The following UVRAG variants were observed in gnomAD, a reference collection of about 807,000 sequenced individuals.
The protein encoded by UVRAG is UV radiation resistance-associated gene protein.
A neutral mutation model predicts 78.0 loss-of-function variants in UVRAG; 19 were observed. That is an observed-to-expected ratio of 0.24 (90% CI 0.17 to 0.36). The LOEUF is 0.36. Among genes scored for constraint, UVRAG ranks in the 10% least tolerant of loss-of-function variants. UVRAG has a pLI of 1.00. For synonymous variants in UVRAG, 323 were observed against 324.6 expected (o/e 1.00, Z 0.05); for missense variants, 740 against 853.8 (o/e 0.87, Z 1.66).
At chr11:76,034,890 A>G (rs2135407073) in intron 12 of UVRAG, among the ~76,000 whole-genome samples, 2 of 152,330 alleles carry the variant, frequency 1.3e-5, no homozygotes, top group Middle Eastern at 6.8e-3. Context: ...TACTAGAAGT[A>G]TTAACTGTAG....
chr11:76,136,031 G>A (rs1952592250), intron 14 of UVRAG, among the ~76,000 whole-genome samples: 1 of 152,160 alleles, frequency 6.6e-6, no homozygotes, highest in African/African-American at 2.4e-5. Context: ...AAATCTATGA[G>A]TTTCAACCTC....
intron 13 of UVRAG, among the ~76,000 whole-genome samples, chr11:76,075,262 TA>T (rs59240658): frequency 6.6e-6 from 1 of 151,786 alleles, no homozygotes; most frequent in African/African-American, 2.4e-5. Flanking sequence ...GTACTAAATT[TA>T]AAAAAAAGTT....
At chr11:75,977,560 T>G (rs1949271963) in intron 7 of UVRAG, among the ~76,000 whole-genome samples, 1 of 152,206 alleles carries the variant, frequency 6.6e-6, no homozygotes, top group Admixed American at 6.5e-5. Context: ...TGCTCCTGTA[T>G]TGGGTGCATA....
At chr11:75,988,678 C>T (rs1432018809) in intron 8 of UVRAG, among the ~76,000 whole-genome samples, 2 of 152,192 alleles carry the variant, frequency 1.3e-5, no homozygotes, top group Admixed American at 6.5e-5. Flanking sequence ...AACTACTAAG[C>T]TGTTATGCAT....
At chr11:76,133,776 C>T (rs1386140267) in intron 14 of UVRAG, among the ~76,000 whole-genome samples, 1 of 151,894 alleles carries the variant, frequency 6.6e-6, no homozygotes, top group Non-Finnish European at 1.5e-5. Flanking sequence ...GTAGGTAGAT[C>T]ATGAAAACAG....
At chr11:75,938,326 G>A (rs1262654066) in intron 6 of UVRAG, among the ~76,000 whole-genome samples, 3 of 152,012 alleles carry the variant, frequency 2.0e-5, no homozygotes, top group Non-Finnish European at 4.4e-5. Context: ...GTCATCTCTA[G>A]CAATTTTGGA....
intron 7 of UVRAG, among the ~76,000 whole-genome samples, chr11:75,974,024 A>C (rs959696322): frequency 6.6e-6 from 1 of 152,222 alleles, no homozygotes; most frequent in African/African-American, 2.4e-5. Flanking sequence ...ATATGTGTGC[A>C]TGTGTCTTTA....
At chr11:76,002,634 T>TA (rs1383213205) in intron 8 of UVRAG, among the ~76,000 whole-genome samples, 2 of 152,224 alleles carry the variant, frequency 1.3e-5, no homozygotes, top group Middle Eastern at 3.2e-3. Context: ...CTAAATGTCT[T>TA]AAAAAATCAC....
At chr11:75,964,793 G>A (rs1000009478) in intron 7 of UVRAG, among the ~76,000 whole-genome samples, 1 of 152,250 alleles carries the variant, frequency 6.6e-6, no homozygotes, top group East Asian at 1.9e-4. Context: ...TTTGTATCAC[G>A]TACGTAAGGG....
rs897492177 is a variant in UVRAG at position 75,888,918 on chromosome 11, C to G, written c.507+15C>G. The G allele has an allele frequency of 2.5e-6, 4 of 1,608,086 alleles. No homozygotes were observed. The stretch of plus-strand genomic sequence containing the variant: ...TTGAACATAAGGTAAGAAGATCCTT[C>G]TAATGTTATGAATTTTGTTTAGTGC... On this transcript the variant is annotated intron_variant, in intron 5 of 14. Coordinates refer to ENST00000356136, the MANE Select transcript of UVRAG (RefSeq NM_003369.4).
chr11:76,025,246 C>T (rs1280072445), intron 12 of UVRAG, among the ~76,000 whole-genome samples: 3 of 152,252 alleles, frequency 2.0e-5, no homozygotes, highest in South Asian at 2.1e-4. Context: ...CTCCACCCCC[C>T]ACTTCTTTCA....
At chr11:75,979,029 G>C (rs917900570) in intron 7 of UVRAG, among the ~76,000 whole-genome samples, 8 of 152,196 alleles carry the variant, frequency 5.3e-5, no homozygotes, top group African/African-American at 1.2e-4. Flanking sequence ...GGTCTTCGAT[G>C]ATGGTGACGT....
intron 2 of UVRAG, among the ~76,000 whole-genome samples, chr11:75,854,037 A>G (rs961279563): frequency 6.6e-6 from 1 of 152,084 alleles, no homozygotes. Context: ...CAGCCTCCCA[A>G]CGTGCTGGGA....
chr11:75,851,312 A>C (rs1946148825), intron 1 of UVRAG, among the ~76,000 whole-genome samples: 1 of 152,228 alleles, frequency 6.6e-6, no homozygotes, highest in South Asian at 2.1e-4. Context: ...TGAAATTGAG[A>C]CTGGTGAAAT....
chr11:76,077,068 G>A (rs540489831), intron 13 of UVRAG, among the ~76,000 whole-genome samples: 10 of 149,294 alleles, frequency 6.7e-5, no homozygotes, highest in African/African-American at 2.4e-4. Context: ...GAGTCAGTCA[G>A]AGATTGTTCT....
intron 1 of UVRAG, 79 bp downstream of exon 1, chr11:75,815,603 C>A: frequency 1.0e-6 from 1 of 959,264 alleles, no homozygotes; most frequent in Non-Finnish European, 1.4e-6. Flanking sequence ...CGGGCTGACC[C>A]CGCGAGCCGG....
chr11:76,027,558 TTC>T (rs1950351076), intron 12 of UVRAG, among the ~76,000 whole-genome samples: 1 of 152,112 alleles, frequency 6.6e-6, no homozygotes. Context: ...TGTGGCAATG[TTC>T]TCCTCTCTGA....
chr11:75,846,303 T>TCCAG (rs10691809), intron 1 of UVRAG, among the ~76,000 whole-genome samples: 1 of 152,120 alleles, frequency 6.6e-6, no homozygotes, highest in African/African-American at 2.4e-5. Flanking sequence ...CGCTGTGTTC[T>TCCAG]CCATCTGGTG....
chr11:75,916,892 T>C (rs757438558), intron 6 of UVRAG: 4 of 152,218 alleles, frequency 2.6e-5, no homozygotes, highest in African/African-American at 4.8e-5. Context: ...GGGCTACTTA[T>C]TTGATACCAG....
Sources: gnomAD v4.1 joint callset for allele counts (sites outside exome capture counted in the v4.1 genomes callset) on GRCh38, gnomAD v4.1.1 for gene constraint, MANE v1.5 for transcripts, NCBI Gene and HGNC (gene_info 2026-07-23, HGNC 2026-07-21) for gene names.